ATAD1: variants seen among roughly 807,000 people sequenced by gnomAD.
ATAD1 encodes the protein outer mitochondrial transmembrane helix translocase.
Under a neutral mutation model 42.7 loss-of-function variants are expected in ATAD1, and 18 were observed. The observed-to-expected ratio is 0.42, with a 90% confidence interval of 0.29 to 0.63. The LOEUF (loss-of-function observed/expected upper bound fraction) is 0.63. ATAD1 is among the 20% of genes least tolerant of loss of function. ATAD1 has a pLI of 0.19. For missense variants in ATAD1, 294 were observed against 440.4 expected (o/e 0.67, Z 2.98); for synonymous variants, 132 against 143.1 (o/e 0.92, Z 0.55).
intron 2 of ATAD1, among the ~76,000 whole-genome samples, chr10:87,797,425 C>A (rs964492386): frequency 3.9e-5 from 6 of 152,042 alleles, no homozygotes; most frequent in African/African-American, 1.5e-4. Context: ...CCACCCTATA[C>A]CTCCTTCCCC....
upstream of ATAD1, among the ~76,000 whole-genome samples, chr10:87,821,675 G>T (rs1248664338): frequency 1.3e-5 from 2 of 152,202 alleles, no homozygotes; most frequent in Admixed American, 6.5e-5. Flanking sequence ...GCATTTTACA[G>T]TAAGCATCTG....
At chr10:87,781,299 TAAC>T (rs1488439525) in intron 5 of ATAD1, among the ~76,000 whole-genome samples, 1 of 152,016 alleles carries the variant, frequency 6.6e-6, no homozygotes, top group East Asian at 1.9e-4. Context: ...AATTCTAAAA[TAAC>T]AAGCTACAGT....
intron 1 of ATAD1, among the ~76,000 whole-genome samples, chr10:87,829,019 T>G (rs978014629): frequency 6.6e-6 from 1 of 152,192 alleles, no homozygotes; most frequent in African/African-American, 2.4e-5. Context: ...ACTCAAGAGC[T>G]CTGATGGAGA....
chr10:87,811,997 T>C (rs746071747), intron 2 of ATAD1, among the ~76,000 whole-genome samples: 10 of 152,306 alleles, frequency 6.6e-5, no homozygotes, highest in Admixed American at 2.0e-4. Context: ...TAAGATGTCC[T>C]TTTTCTTTTC....
In ATAD1 at chr10:87,818,185, AGAGCAAG is replaced by A; in HGVS notation, c.-39_-33del. 1 of 985,684 alleles carries A rather than the reference AGAGCAAG, an allele frequency of 1.0e-6. No homozygotes were observed. The highest frequency in any genetic ancestry group is 6.1e-5 in the Admixed American group (1 of 16,300). 61.1% of individuals were successfully genotyped at this position (985,684 alleles called of 1,614,324 possible). A position where few individuals can be genotyped will look rare whatever the true frequency, so the allele number is the denominator to read the frequency against. On this transcript the variant is annotated 5_prime_UTR_variant, in exon 1 of 10. Transcript: ENST00000680024. ...TACTCACCCAGGGGCAGAAACAGCAAGAGCAAGTGCCCTCAGCCGGCCTCACACAGGA... is the reference window on the plus strand; with the variant it reads ...TACTCACCCAGGGGCAGAAACAGCAATGCCCTCAGCCGGCCTCACACAGGA...
intron 1 of ATAD1, chr10:87,832,739 G>A (rs950319013): frequency 3.9e-5 from 6 of 151,916 alleles, no homozygotes; most frequent in African/African-American, 1.5e-4. Context: ...AATTTGTTTT[G>A]TGAGTTCTGT....
At chr10:87,839,525 A>G (rs1857990971) in intron 1 of ATAD1, among the ~76,000 whole-genome samples, 1 of 152,246 alleles carries the variant, frequency 6.6e-6, no homozygotes, top group African/African-American at 2.4e-5. Context: ...TAAACAGAAC[A>G]TGAGTAATTC....
At chr10:87,776,277 A>T in intron 6 of ATAD1, 44 bp downstream of exon 6, 1 of 1,484,690 alleles carries the variant, frequency 6.7e-7, no homozygotes, top group South Asian at 1.2e-5. Context: ...TCTATTAAGA[A>T]CAAAAAAACC....
rs1027011917 is a variant in ATAD1 at position 87,818,192 on chromosome 10, G to C, written c.-39C>G. 1.0e-6 allele frequency: 1 copy of C among 985,706 alleles called. No homozygotes were observed. Among genetic ancestry groups the C allele is most frequent in the Non-Finnish European group, 1.2e-6 (1 of 830,124 alleles). The allele number at this position is 985,706 out of a possible 1,614,324, so 61.1% of individuals were successfully genotyped here. On this transcript the variant is annotated 5_prime_UTR_variant, in exon 1 of 10. Coordinates refer to ENST00000680024, the MANE Select transcript of ATAD1 (RefSeq NM_001321967.2). ...CCAGGGGCAGAAACAGCAAGAGCAA[G>C]TGCCCTCAGCCGGCCTCACACAGGA...
chr10:87,754,837 C>A, intron 9 of ATAD1, 30 bp from the exon 10 acceptor site: 1 of 1,600,670 alleles, frequency 6.2e-7, no homozygotes, highest in South Asian at 1.1e-5. Flanking sequence ...ATCAAATACT[C>A]AAATAACTTT....
chr10:87,765,037 G>C (rs901402744), intron 8 of ATAD1, among the ~76,000 whole-genome samples: 1 of 151,910 alleles, frequency 6.6e-6, no homozygotes, highest in East Asian at 1.9e-4. Flanking sequence ...TATTTAATAG[G>C]TATAACATGG....
At chr10:87,812,734 A>C (rs1190139536) in intron 2 of ATAD1, among the ~76,000 whole-genome samples, 2 of 152,238 alleles carry the variant, frequency 1.3e-5, no homozygotes, top group Non-Finnish European at 2.9e-5. Flanking sequence ...CCTCCTTTTC[A>C]GTTGATGATG....
chr10:87,808,569 A>C (rs924058868), intron 2 of ATAD1, among the ~76,000 whole-genome samples: 8 of 152,184 alleles, frequency 5.3e-5, no homozygotes, highest in Non-Finnish European at 1.2e-4. Flanking sequence ...ACAAAAAACA[A>C]AACAAAACAA....
chr10:87,790,989 G>C (rs1402165821), intron 3 of ATAD1, among the ~76,000 whole-genome samples: 1 of 115,952 alleles, frequency 8.6e-6, no homozygotes, highest in Admixed American at 8.9e-5. Context: ...TTCGGGACCA[G>C]CCTGGCCAAC....
chr10:87,763,886 A>G (rs1030449156), intron 8 of ATAD1, among the ~76,000 whole-genome samples: 2 of 152,234 alleles, frequency 1.3e-5, no homozygotes, highest in Non-Finnish European at 2.9e-5. Context: ...ATTATCTTAA[A>G]TGAGAATCCA....
chr10:87,807,762 C>A (rs1339379516), intron 2 of ATAD1, among the ~76,000 whole-genome samples: 1 of 152,054 alleles, frequency 6.6e-6, no homozygotes, highest in Admixed American at 6.5e-5. Context: ...TCAATAGCAA[C>A]CCAACAAGGT....
At chr10:87,811,175 C>A (rs7921856) in intron 2 of ATAD1, among the ~76,000 whole-genome samples, 101,830 of 151,708 alleles carry the variant, frequency 0.67, 35,378 homozygotes, top group African/African-American at 0.86. Flanking sequence ...TCTACTAAAA[C>A]TACAAAAATT....
chr10:87,769,208 A>G (rs991908750), intron 7 of ATAD1, among the ~76,000 whole-genome samples: 2 of 152,236 alleles, frequency 1.3e-5, no homozygotes, highest in Admixed American at 1.3e-4. Flanking sequence ...TGTCTTGCTT[A>G]CAAAATCAAA....
chr10:87,824,956 C>T (rs1161026396), intron 1 of ATAD1, among the ~76,000 whole-genome samples: 2 of 152,188 alleles, frequency 1.3e-5, no homozygotes, highest in African/African-American at 4.8e-5. Context: ...ATTTATCGAT[C>T]CATGAAAATT....
Sources: gnomAD v4.1 joint callset for allele counts (sites outside exome capture counted in the v4.1 genomes callset) on GRCh38, gnomAD v4.1.1 for gene constraint, MANE v1.5 for transcripts, NCBI Gene and HGNC (gene_info 2026-07-23, HGNC 2026-07-21) for gene names.